NT5C2: variants seen among roughly 807,000 people sequenced by gnomAD.
NT5C2 encodes the protein cytosolic purine 5'-nucleotidase.
A neutral mutation model predicts 76.1 loss-of-function variants in NT5C2; 58 were observed. The ratio of observed to expected loss-of-function variants is 0.76; its 90% CI spans 0.62 to 0.95. The LOEUF (loss-of-function observed/expected upper bound fraction) is 0.95. Ranked by LOEUF, NT5C2 falls within the 40% of genes least tolerant of loss-of-function variation. The pLI is 0.00. For missense variants in NT5C2, 478 were observed against 690.3 expected, an observed-to-expected ratio of 0.69 and a Z score of 3.45; for synonymous variants, 229 against 237.4, an observed-to-expected ratio of 0.96 and a Z score of 0.32.
intron 3 of NT5C2, among the ~76,000 whole-genome samples, chr10:103,163,349 C>A (rs1303997734): frequency 6.6e-6 from 1 of 152,166 alleles, no homozygotes; most frequent in Non-Finnish European, 1.5e-5. Context: ...TGATAAGAAA[C>A]TGCCAAACTG....
chr10:103,120,122 A>AAAG (rs1195884086), intron 4 of NT5C2, among the ~76,000 whole-genome samples: 1 of 152,060 alleles, frequency 6.6e-6, no homozygotes, highest in Non-Finnish European at 1.5e-5. Flanking sequence ...GAAGAAAAGA[A>AAAG]AAGAAGTAAA....
rs761830229 is a variant in NT5C2, at chr10:103,105,779, A to T, written c.316T>A (p.Tyr106Asn). 6.2e-7 allele frequency: 1 copy of T among 1,612,976 alleles called. No homozygotes were observed. The highest frequency in any genetic ancestry group is 8.5e-7 in the Non-Finnish European group (1 of 1,179,132). The change falls in exon 6 of 19, where the codon TAT becomes AAT. Residue 106 changes from tyrosine (Y) to asparagine (N), a missense_variant. Physicochemically the swap from Tyr to Asn is moderately radical, Grantham distance 143. Coordinates refer to ENST00000404739, the MANE Select transcript of NT5C2 (RefSeq NM_001351169.2). ...GCATCGACTTTCAAAAGATTTCCAT[A>T]CAGTGTGTCAAAGACAAGTCCCCTA... ...PTRGLVFDTL[Y>N]GNLLKVDAYG... is the part of the protein sequence containing the mutation.
At chr10:103,166,171 GTT>G (rs1469055763) in intron 3 of NT5C2, among the ~76,000 whole-genome samples, 1 of 152,180 alleles carries the variant, frequency 6.6e-6, no homozygotes, top group East Asian at 1.9e-4. Flanking sequence ...GACTTCATCA[GTT>G]TTACATGCAC....
chr10:103,193,048 G>C (rs1019547417), intron 1 of NT5C2, among the ~76,000 whole-genome samples, 188 bp downstream of exon 1: 1 of 151,510 alleles, frequency 6.6e-6, no homozygotes, highest in Non-Finnish European at 1.5e-5. Flanking sequence ...GGCGTGCGGC[G>C]TCCGCGAGCG....
At chr10:103,181,782 A>G (rs531256631) in intron 1 of NT5C2, among the ~76,000 whole-genome samples, 102 of 152,242 alleles carry the variant, frequency 6.7e-4, no homozygotes, top group African/African-American at 2.3e-3. Flanking sequence ...AGGTGGGTGG[A>G]TCATTTGAGG....
At chr10:103,111,740 C>T (rs1173361909) in intron 4 of NT5C2, 1 of 1,231,736 alleles carries the variant, frequency 8.1e-7, no homozygotes, top group Non-Finnish European at 1.0e-6. Context: ...AAAATGAGAA[C>T]TCACATGAGG....
intron 4 of NT5C2, among the ~76,000 whole-genome samples, chr10:103,120,443 C>A (rs1258986696): frequency 6.6e-6 from 1 of 152,108 alleles, no homozygotes; most frequent in Non-Finnish European, 1.5e-5. Flanking sequence ...TGTGTAACTC[C>A]ACAGTTATTT....
intron 4 of NT5C2, among the ~76,000 whole-genome samples, chr10:103,115,477 A>G (rs1411192602): frequency 2.0e-5 from 3 of 152,226 alleles, no homozygotes; most frequent in Non-Finnish European, 2.9e-5. Flanking sequence ...TGATGCCACT[A>G]ATATTATTAC....
intron 3 of NT5C2, among the ~76,000 whole-genome samples, chr10:103,161,736 T>C (rs550877872): frequency 6.6e-6 from 1 of 150,978 alleles, no homozygotes; most frequent in African/African-American, 2.4e-5. Flanking sequence ...AAAAAAAAAA[T>C]AATGAAAAAA....
chr10:103,156,765 A>G (rs2083488845), intron 3 of NT5C2, among the ~76,000 whole-genome samples: 1 of 150,762 alleles, frequency 6.6e-6, no homozygotes, highest in African/African-American at 2.4e-5. Flanking sequence ...CAAAAAAAAA[A>G]AACTTTCAAG....
chr10:103,168,593 T>C (rs1429234703), intron 3 of NT5C2, among the ~76,000 whole-genome samples: 1 of 152,188 alleles, frequency 6.6e-6, no homozygotes, highest in Admixed American at 6.5e-5. Context: ...TCTAACCATA[T>C]AGCAAAACAC....
intron 4 of NT5C2, among the ~76,000 whole-genome samples, chr10:103,106,989 C>CT (rs1178545094): frequency 1.3e-5 from 2 of 151,980 alleles, no homozygotes; most frequent in South Asian, 2.1e-4. Flanking sequence ...CTATTCCAAA[C>CT]TTTTTTTTCC....
intron 12 of NT5C2, among the ~76,000 whole-genome samples, chr10:103,094,694 C>T (rs774666235): frequency 3.2e-4 from 49 of 152,190 alleles, no homozygotes; most frequent in East Asian, 5.8e-4. Context: ...CCATCCTGGC[C>T]AACATGGTGA....
At chr10:103,150,126 T>C (rs912814110) in intron 3 of NT5C2, among the ~76,000 whole-genome samples, 6 of 152,164 alleles carry the variant, frequency 3.9e-5, no homozygotes, top group African/African-American at 1.4e-4. Flanking sequence ...TTGGTGAGTC[T>C]GATAACAGTA....
chr10:103,094,941 GATATAA>G (rs1322578325), intron 12 of NT5C2, among the ~76,000 whole-genome samples: 2 of 151,170 alleles, frequency 1.3e-5, no homozygotes, highest in Non-Finnish European at 2.9e-5. Flanking sequence ...AAGCAGACAA[GATATAA>G]ATAATAAATA....
At chr10:103,130,690 T>TAGA (rs1166671224) in intron 4 of NT5C2, among the ~76,000 whole-genome samples, 5 of 151,822 alleles carry the variant, frequency 3.3e-5, no homozygotes, top group Non-Finnish European at 5.9e-5. Context: ...GTTACCCTCT[T>TAGA]CCTCATTCAT....
At chr10:103,090,897 C>CTTAT in intron 17 of NT5C2, 39 bp downstream of exon 17, 1 of 1,607,790 alleles carries the variant, frequency 6.2e-7, no homozygotes, top group South Asian at 1.1e-5. Context: ...AGCATTTAAA[C>CTTAT]TTATTTCCCA....
chr10:103,171,772 A>G (rs927189584), intron 3 of NT5C2, among the ~76,000 whole-genome samples: 1 of 152,182 alleles, frequency 6.6e-6, no homozygotes, highest in South Asian at 2.1e-4. Flanking sequence ...AGAAAATACA[A>G]TTTAGGCCGG....
intron 4 of NT5C2, among the ~76,000 whole-genome samples, chr10:103,137,064 C>T (rs1406221498): frequency 6.6e-6 from 1 of 152,176 alleles, no homozygotes; most frequent in African/African-American, 2.4e-5. Flanking sequence ...TGAACTATTT[C>T]AATGTAAAGA....
Sources: allele counts gnomAD v4.1 joint callset (sites outside exome capture counted in the v4.1 genomes callset), GRCh38; gene constraint gnomAD v4.1.1; transcripts MANE v1.5; gene names NCBI Gene and HGNC (gene_info 2026-07-23, HGNC 2026-07-21).